Variants in PLA2G5 observed in about 807,000 individuals in gnomAD.
The protein encoded by PLA2G5 is phospholipase A2 group V.
Under a neutral mutation model 15.9 loss-of-function variants are expected in PLA2G5, and 12 were observed. The ratio of observed to expected loss-of-function variants is 0.76; its 90% CI spans 0.48 to 1.23. The LOEUF is 1.23. PLA2G5 is among the 50% of genes most tolerant of loss of function. The pLI is 0.00. For synonymous variants in PLA2G5, 71 were observed against 71.4 expected (o/e 0.99, Z 0.03); for missense variants, 169 against 177.1 (o/e 0.95, Z 0.26).
chr1:20,070,695 G>A (rs1293922775), intron 1 of PLA2G5: 3 of 153,526 alleles, frequency 2.0e-5, no homozygotes, highest in Non-Finnish European at 4.3e-5. Flanking sequence ...CTCAAGGGAA[G>A]ATGGAGGTTA....
At position 20,090,025 on chromosome 1, in the gene PLA2G5, C is replaced by G. The variant is rs531026719; in HGVS notation, c.292+130C>G. On this transcript the variant is annotated intron_variant, in intron 4 of 4. Coordinates refer to ENST00000375108, the MANE Select transcript of PLA2G5 (RefSeq NM_000929.3). The stretch of plus-strand genomic sequence containing the variant: ...GGGTGCAGAACTGGGACGAGAGGAG[C>G]AGGATTATTGCAGCTGTATCAGACC... 2.0e-4 allele frequency: 135 copies of G among 659,738 alleles called. No individual in the cohort carries two copies. In the East Asian group the frequency reaches 3.6e-3, roughly 18 times the overall value. The allele number at this position is 659,738 out of a possible 1,614,324, so 40.9% of individuals were successfully genotyped here. A position where few individuals can be genotyped will look rare whatever the true frequency, so the allele number is the denominator to read the frequency against.
chr1:20,081,415 CTTG>C (rs1209145638), intron 1 of PLA2G5, among the ~76,000 whole-genome samples: 1 of 150,796 alleles, frequency 6.6e-6, no homozygotes, highest in Non-Finnish European at 1.5e-5. Flanking sequence ...GAAAAGATAG[CTTG>C]TTATTTACAG....
chr1:20,070,383 A>G lies in PLA2G5; in HGVS notation c.-93A>G. The G allele has an allele frequency of 2.0e-6, 2 of 985,456 alleles. No individual in the cohort carries two copies. The highest frequency in any genetic ancestry group is 2.4e-6 in the Non-Finnish European group (2 of 829,912). The allele number at this position is 985,456 out of a possible 1,614,324, so 61.0% of individuals were successfully genotyped here. A position where few individuals can be genotyped will look rare whatever the true frequency, so the allele number is the denominator to read the frequency against. ...TCCGACTGGAGACGGGGAGCCCGCGAGACCCGGGTCTCCAGGGTCTGCCCA... is the reference window on the plus strand; with the variant it reads ...TCCGACTGGAGACGGGGAGCCCGCGGGACCCGGGTCTCCAGGGTCTGCCCA... On this transcript the variant is annotated 5_prime_UTR_variant, in exon 1 of 5. Coordinates refer to ENST00000375108, the MANE Select transcript of PLA2G5 (RefSeq NM_000929.3).
intron 1 of PLA2G5, among the ~76,000 whole-genome samples, chr1:20,042,148 T>C (rs1157791805): frequency 6.6e-6 from 1 of 152,154 alleles, no homozygotes; most frequent in Non-Finnish European, 1.5e-5. Flanking sequence ...GGGCCTGAGT[T>C]AAGGCAATGA....
intron 1 of PLA2G5, among the ~76,000 whole-genome samples, chr1:20,045,728 G>A (rs187229419): frequency 2.6e-5 from 4 of 152,316 alleles, no homozygotes; most frequent in African/African-American, 7.2e-5. Context: ...AACAGCAGGA[G>A]GACAGGGGAT....
intron 1 of PLA2G5, among the ~76,000 whole-genome samples, chr1:20,072,124 T>C (rs1421582400): frequency 6.6e-6 from 1 of 151,788 alleles, no homozygotes; most frequent in African/African-American, 2.4e-5. Flanking sequence ...ATAAATAAAG[T>C]GGCCACTCCC....
chr1:20,070,488 A>C (rs2015305265), intron 1 of PLA2G5, 23 bp downstream of exon 1: 1 of 984,584 alleles, frequency 1.0e-6, no homozygotes, highest in African/African-American at 1.8e-5. Context: ...TGGGGGCTGC[A>C]TAAATTGGGG....
chr1:20,060,932 G>A (rs1438673389), intron 2 of PLA2G5, among the ~76,000 whole-genome samples: 1 of 152,002 alleles, frequency 6.6e-6, no homozygotes, highest in Non-Finnish European at 1.5e-5. Context: ...GGTCAGGCTG[G>A]TCTCAAACTC....
At chr1:20,040,709 G>T (rs532883121) in intron 1 of PLA2G5, among the ~76,000 whole-genome samples, 7 of 152,174 alleles carry the variant, frequency 4.6e-5, no homozygotes, top group South Asian at 2.1e-4. Flanking sequence ...AAATCTTGAG[G>T]CCCCAAAATC....
At chr1:20,090,472 G>A in intron 4 of PLA2G5, 96 bp from the exon 5 acceptor site, 1 of 1,275,130 alleles carries the variant, frequency 7.8e-7, no homozygotes, top group Non-Finnish European at 1.1e-6. Flanking sequence ...CTTCCATCAG[G>A]CTGAAAGCTC....
intron 1 of PLA2G5, among the ~76,000 whole-genome samples, chr1:20,072,101 G>T (rs574327428): frequency 6.0e-4 from 91 of 152,028 alleles, no homozygotes; most frequent in African/African-American, 2.1e-3. Flanking sequence ...AGAGCAAGAT[G>T]TCTCAAAAAT....
chr1:20,045,957 A>C (rs1420445816), intron 1 of PLA2G5: 1 of 151,700 alleles, frequency 6.6e-6, no homozygotes, highest in African/African-American at 2.4e-5. Flanking sequence ...TACCCACCCC[A>C]TCCTTTTTTT....
At chr1:20,086,326 C>T in intron 3 of PLA2G5, 99 bp downstream of exon 3, 1 of 1,304,630 alleles carries the variant, frequency 7.7e-7, no homozygotes, top group Non-Finnish European at 1.1e-6. Context: ...TATTAAAGTA[C>T]CATTTTACAA....
chr1:20,034,237 C>T (rs2013123513), intron 1 of PLA2G5, among the ~76,000 whole-genome samples: 1 of 152,112 alleles, frequency 6.6e-6, no homozygotes. Context: ...TGGTGAAGGC[C>T]TGTTCGAATA....
At chr1:20,029,034 G>A (rs1199350258) in intron 1 of PLA2G5, among the ~76,000 whole-genome samples, 7 of 152,226 alleles carry the variant, frequency 4.6e-5, no homozygotes, top group Non-Finnish European at 7.3e-5. Context: ...TAGGCGACTT[G>A]TGTTAACCAG....
chr1:20,051,833 A>G (rs1370828891), intron 1 of PLA2G5, among the ~76,000 whole-genome samples: 1 of 152,190 alleles, frequency 6.6e-6, no homozygotes, highest in African/African-American at 2.4e-5. Context: ...TAAGTAAAGA[A>G]TGACAGTTTC....
At chr1:20,072,795 G>A (rs1036124200) in intron 1 of PLA2G5, among the ~76,000 whole-genome samples, 16 of 152,200 alleles carry the variant, frequency 1.1e-4, no homozygotes, top group African/African-American at 3.9e-4. Context: ...CCTCCTCTTA[G>A]GCCCAGGGAA....
intron 1 of PLA2G5, among the ~76,000 whole-genome samples, chr1:20,043,426 A>C (rs1281067250): frequency 2.0e-5 from 3 of 152,150 alleles, no homozygotes; most frequent in African/African-American, 7.2e-5. Context: ...GTGGGATGGA[A>C]TATTGGCATT....
rs922344169 is a variant in PLA2G5, at chr1:20,091,650, G to C, written c.*958G>C. Among the ~76,000 whole-genome samples, 6 of 152,046 alleles carry C rather than the reference G, an allele frequency of 3.9e-5. No homozygotes were observed. The highest frequency in any genetic ancestry group is 3.3e-4 in the Admixed American group (5 of 15,264). On this transcript the variant is annotated 3_prime_UTR_variant, in exon 5 of 5. Transcript: ENST00000375108. ...AATTTTTTTTTAATAGGTGTCAGCT[G>C]TGGGGTTTATTTTTTACAAAGTAAG... is the stretch of plus-strand genomic sequence containing the variant.
Sources: allele counts gnomAD v4.1 joint callset (sites outside exome capture counted in the v4.1 genomes callset), GRCh38; gene constraint gnomAD v4.1.1; transcripts MANE v1.5; gene names NCBI Gene and HGNC (gene_info 2026-07-23, HGNC 2026-07-21).